Variants in APBA2 observed in about 807,000 individuals in gnomAD.
APBA2 encodes amyloid beta precursor protein binding family A member 2.
A neutral mutation model predicts 75.0 loss-of-function variants in APBA2; 30 were observed. The ratio of observed to expected loss-of-function variants is 0.40; its 90% CI spans 0.30 to 0.54. The LOEUF (loss-of-function observed/expected upper bound fraction) is 0.54. APBA2 is among the 20% of genes least tolerant of loss of function. The probability of loss-of-function intolerance (pLI) is 0.49; values close to 1 mark genes in which losing one functional copy is unlikely to be tolerated. For synonymous variants in APBA2, 444 were observed against 409.6 expected (o/e 1.08, Z -1.01); for missense variants, 801 against 1,016.1 (o/e 0.79, Z 2.88).
Position 29,054,722 on chromosome 15 carries a change from A to G in APBA2, c.838A>G (p.Arg280Gly). 6.2e-7 allele frequency: 1 copy of G among 1,613,276 alleles called. No homozygotes were observed. The highest frequency in any genetic ancestry group is 1.7e-5 in the Admixed American group (1 of 60,018). ...CTGCAGCCCCAGCAGGCACGAGGCG[A>G]GGCCCAAGTCGCTGAACCTCCTTCC... is the stretch of plus-strand genomic sequence containing the variant. ...ASCSPSRHEARPKSLNLLPEA... is the reference protein window; with the variant it reads ...ASCSPSRHEAGPKSLNLLPEA... Residue 280 changes from arginine (R) to glycine (G), a missense_variant, in exon 4 of 15, where the codon AGG becomes GGG. Physicochemically the swap from Arg to Gly is moderately radical, Grantham distance 125 (BLOSUM62 -2). This residue lies in a region of APBA2 where 434 missense variants were observed against 471.6 expected (regional missense o/e 0.92). Coordinates refer to ENST00000683413, the MANE Select transcript of APBA2 (RefSeq NM_001353788.2). This position sits in a 1 kb window ranked among gnomAD's most constrained non-coding sequence, Gnocchi z 6.1.
chr15:28,983,539 C>CT (rs2152770372), intron 2 of APBA2, among the ~76,000 whole-genome samples: 1 of 152,330 alleles, frequency 6.6e-6, no homozygotes, highest in East Asian at 1.9e-4. Context: ...TGACTTTTCT[C>CT]TTCGAGGCTG....
intron 2 of APBA2, chr15:28,990,701 A>G (rs1031307288): frequency 2.0e-5 from 3 of 152,204 alleles, no homozygotes; most frequent in African/African-American, 7.2e-5. Context: ...CTAATCACCC[A>G]TGAAGAGTCT....
intron 3 of APBA2, among the ~76,000 whole-genome samples, chr15:29,022,707 A>G (rs998895366): frequency 1.3e-5 from 2 of 152,126 alleles, no homozygotes; most frequent in Non-Finnish European, 2.9e-5. Flanking sequence ...TTGTTCTTCT[A>G]GAGTGTTTCT....
chr15:28,926,357 T>C (rs1242095633), intron 2 of APBA2, among the ~76,000 whole-genome samples: 1 of 152,212 alleles, frequency 6.6e-6, no homozygotes, highest in Non-Finnish European at 1.5e-5. Flanking sequence ...ATGTTTACAA[T>C]ATGTATTTCA....
intron 12 of APBA2, 94 bp downstream of exon 12, chr15:29,106,913 A>ATGGGTGAAGTGGGGATTG: frequency 2.4e-6 from 3 of 1,228,662 alleles, no homozygotes; most frequent in Non-Finnish European, 3.5e-6. Flanking sequence ...TGCAATCCCC[A>ATGGGTGAAGTGGGGATTG]CTTCACCCAT....
chr15:29,065,009 G>A (rs1380203902), intron 4 of APBA2, among the ~76,000 whole-genome samples: 2 of 151,916 alleles, frequency 1.3e-5, no homozygotes, highest in Non-Finnish European at 2.9e-5. Context: ...CTCATAGTGT[G>A]TGTGTGTGTG....
At chr15:29,115,804 G>A (rs1472790500) in intron 14 of APBA2, among the ~76,000 whole-genome samples, 2 of 152,196 alleles carry the variant, frequency 1.3e-5, no homozygotes, top group African/African-American at 2.4e-5. Flanking sequence ...GATCCCGGCG[G>A]GGGAGGGAGG....
At chr15:29,106,282 T>G (rs1737736337) in intron 11 of APBA2, among the ~76,000 whole-genome samples, 1 of 151,150 alleles carries the variant, frequency 6.6e-6, no homozygotes, top group South Asian at 2.1e-4. Flanking sequence ...ACTGGAGCCC[T>G]GCTTGGGGTG....
intron 2 of APBA2, among the ~76,000 whole-genome samples, chr15:28,957,167 G>A (rs2036213887): frequency 6.6e-6 from 1 of 152,054 alleles, no homozygotes; most frequent in African/African-American, 2.4e-5. Flanking sequence ...CCGCCTCCCG[G>A]GTTCACGCCA....
At chr15:29,105,667 A>G (rs929015795) in intron 11 of APBA2, 109 bp downstream of exon 11, 8 of 1,250,508 alleles carry the variant, frequency 6.4e-6, no homozygotes, top group African/African-American at 4.4e-5. Context: ...TTGCCTTCCT[A>G]TCAGACTCCA....
At chr15:28,979,410 C>T (rs539146692) in intron 2 of APBA2, among the ~76,000 whole-genome samples, 6 of 152,324 alleles carry the variant, frequency 3.9e-5, no homozygotes, top group South Asian at 4.1e-4. Flanking sequence ...GTCCTCCTAA[C>T]GTCATTTGAT....
intron 2 of APBA2, among the ~76,000 whole-genome samples, chr15:28,951,633 G>A (rs975279186): frequency 6.6e-6 from 1 of 151,762 alleles, no homozygotes; most frequent in Non-Finnish European, 1.5e-5. Context: ...TTGCCAGGCT[G>A]GAGTGCAGTG....
At chr15:28,982,751 A>G (rs2037691706) in intron 2 of APBA2, among the ~76,000 whole-genome samples, 1 of 152,220 alleles carries the variant, frequency 6.6e-6, no homozygotes, top group South Asian at 2.1e-4. Context: ...AGCATGACCA[A>G]TTCAAGGACA....
At chr15:29,016,978 C>G (rs975042597) in intron 3 of APBA2, among the ~76,000 whole-genome samples, 1 of 152,118 alleles carries the variant, frequency 6.6e-6, no homozygotes, top group Non-Finnish European at 1.5e-5. Context: ...GAAAGCTGAT[C>G]AAAATAACTG....
intron 2 of APBA2, among the ~76,000 whole-genome samples, chr15:28,939,344 C>G (rs959665894): frequency 2.6e-5 from 4 of 151,954 alleles, no homozygotes; most frequent in Admixed American, 2.6e-4. Context: ...TCCCTGAGTC[C>G]CTTCTTTCAG....
At position 29,117,717 on chromosome 15, in the gene APBA2, A is replaced by T; in HGVS notation, c.*584A>T. On this transcript the variant is annotated 3_prime_UTR_variant, in exon 15 of 15. Transcript: ENST00000683413. ...AAAGGATGATGGCCACAACATGAAAACTCCATATTTATTTAGATGCTATTA... is the reference window on the plus strand; with the variant it reads ...AAAGGATGATGGCCACAACATGAAATCTCCATATTTATTTAGATGCTATTA... 1.3e-5 allele frequency: 2 copies of T among 153,580 alleles called. No individual in the cohort carries two copies. Among genetic ancestry groups the T allele is most frequent in the Admixed American group, 6.3e-5 (1 of 15,854 alleles). The allele number at this position is 153,580 out of a possible 1,614,324, so 9.5% of individuals were successfully genotyped here.
At chr15:28,893,082 G>T in intron 1 of APBA2, among the ~76,000 whole-genome samples, 1 of 152,230 alleles carries the variant, frequency 6.6e-6, no homozygotes, top group East Asian at 1.9e-4. Context: ...GTGCAGTGGG[G>T]CCAGGCATGT....
chr15:28,907,164 T>C (rs1306856473), intron 1 of APBA2, among the ~76,000 whole-genome samples: 2 of 152,222 alleles, frequency 1.3e-5, no homozygotes, highest in Non-Finnish European at 2.9e-5. Flanking sequence ...AAATGTATTT[T>C]AGATGTAGTG....
chr15:29,113,771 A>G, intron 13 of APBA2, 105 bp from the exon 14 acceptor site: 1 of 1,463,088 alleles, frequency 6.8e-7, no homozygotes, highest in East Asian at 2.3e-5. Context: ...GCACGTATTC[A>G]TCATGTGGCG....
Sources: gnomAD v4.1 joint callset for allele counts (sites outside exome capture counted in the v4.1 genomes callset) on GRCh38, gnomAD v4.1.1 for gene constraint, gnomAD v4.1.1 regional missense constraint, Gnocchi (gnomAD v3.1) non-coding constraint, MANE v1.5 for transcripts, NCBI Gene and HGNC (gene_info 2026-07-23, HGNC 2026-07-21) for gene names.